The following ATP7A variants were observed in gnomAD, a reference collection of about 807,000 sequenced individuals.
The protein encoded by ATP7A is ATPase copper transporting alpha, also known as copper-transporting ATPase 1.
ATP7A carries 7 observed loss-of-function variants against 83.5 expected under a neutral mutation model. The ratio of observed to expected loss-of-function variants is 0.08; its 90% CI spans 0.05 to 0.16. The LOEUF (loss-of-function observed/expected upper bound fraction) is 0.16, where lower values mean the gene tolerates loss of function less well. Among genes scored for constraint, ATP7A ranks in the 10% least tolerant of loss-of-function variants. The pLI, the probability that ATP7A is intolerant of heterozygous loss-of-function variation, is 1.00. For synonymous variants in ATP7A, 354 were observed against 395.2 expected (o/e 0.90, Z 1.24); for missense variants, 940 against 1,120.8 (o/e 0.84, Z 2.30).
chrX:77,977,228 C>T (rs1483796375), intron 2 of ATP7A, among the ~76,000 whole-genome samples: 1 of 111,969 alleles, frequency 8.9e-6, no homozygotes, highest in African/African-American at 3.2e-5. Flanking sequence ...AAGTATGACA[C>T]ATGAATTTGA....
At chrX:77,933,285 A>C (rs1325786757) in intron 1 of ATP7A, among the ~76,000 whole-genome samples, 1 of 111,670 alleles carries the variant, frequency 9.0e-6, no homozygotes, top group Non-Finnish European at 1.9e-5. Context: ...AAATCCAGAC[A>C]GTCTTGCTCT....
At position 77,941,402 on chromosome X, in the gene ATP7A, A is replaced by T. The variant is rs1030685357; in HGVS notation, c.-21-30219A>T. On this transcript the variant is annotated intron_variant, in intron 1 of 22. Coordinates refer to ENST00000341514, the MANE Select transcript of ATP7A (RefSeq NM_000052.7). ...TTGTGGAGGTCTATATGTCCTTAAAATTTTTTTTTCTTTTTAATAATTAGA... is the reference window on the plus strand; with the variant it reads ...TTGTGGAGGTCTATATGTCCTTAAATTTTTTTTTTCTTTTTAATAATTAGA... Among the ~76,000 whole-genome samples, 6 of 110,238 alleles carry T rather than the reference A, an allele frequency of 5.4e-5. No homozygotes were observed. In the East Asian group the frequency reaches 8.5e-4, roughly 16 times the overall value.
At chrX:77,956,701 T>C (rs782525194) in intron 1 of ATP7A, among the ~76,000 whole-genome samples, 39 of 109,024 alleles carry the variant, frequency 3.6e-4, no homozygotes, top group African/African-American at 1.2e-3. Flanking sequence ...AATTAAACCT[T>C]TTTTCTTTAT....
In ATP7A at chrX:77,949,448, A is replaced by C. The variant is rs782738895; in HGVS notation, c.-21-22173A>C. ...AGTAACTTTGCTACTCACCTTATTG[A>C]ACATTCCTAATGCATTCAACTTTGT... is the stretch of plus-strand genomic sequence containing the variant. On this transcript the variant is annotated intron_variant, in intron 1 of 22. Transcript: ENST00000341514. Among the ~76,000 whole-genome samples, 11 of 112,252 alleles carry C rather than the reference A, an allele frequency of 9.8e-5. No homozygotes were observed. The South Asian group carries it at 4.0e-3, about 41-fold the overall frequency.
chrX:77,921,985 G>T (rs1229646686), intron 1 of ATP7A, among the ~76,000 whole-genome samples: 4 of 110,346 alleles, frequency 3.6e-5, no homozygotes. Flanking sequence ...CGTAGAGATG[G>T]GGTCTCGCTA....
intron 7 of ATP7A, among the ~76,000 whole-genome samples, chrX:78,010,711 C>G (rs2077815459): frequency 9.4e-6 from 1 of 106,450 alleles, no homozygotes; most frequent in Non-Finnish European, 1.9e-5. Context: ...TCCCGAGCAG[C>G]TGGGATTACA....
chrX:77,918,392 T>A (rs1227497005), intron 1 of ATP7A, among the ~76,000 whole-genome samples: 6 of 110,977 alleles, frequency 5.4e-5, no homozygotes, highest in Admixed American at 1.9e-4. Flanking sequence ...CAGGTGCTTT[T>A]AAGAAATTTT....
chrX:77,940,269 C>G, intron 1 of ATP7A, among the ~76,000 whole-genome samples: 1 of 110,679 alleles, frequency 9.0e-6, no homozygotes, highest in Non-Finnish European at 1.9e-5. Context: ...CATCCCCCCT[C>G]CAAAAGTACT....
chrX:77,992,976 A>G (rs946692416), intron 4 of ATP7A, among the ~76,000 whole-genome samples: 7 of 112,484 alleles, frequency 6.2e-5, no homozygotes, highest in Admixed American at 2.8e-4. Flanking sequence ...TTCACATTTC[A>G]CTACTTCATA....
At chrX:78,039,819 T>G (rs1237781887) in intron 18 of ATP7A, among the ~76,000 whole-genome samples, 4 of 112,322 alleles carry the variant, frequency 3.6e-5, no homozygotes, top group Admixed American at 1.9e-4. Context: ...TTATTTTACT[T>G]AATGCTTTCT....
intron 1 of ATP7A, among the ~76,000 whole-genome samples, chrX:77,921,438 C>T (rs2077214387): frequency 8.9e-6 from 1 of 112,176 alleles, no homozygotes; most frequent in South Asian, 3.6e-4. Context: ...TGGTTAAAAG[C>T]ACAGGCTCTG....
chrX:78,005,556 G>A (rs781917911), intron 6 of ATP7A, among the ~76,000 whole-genome samples: 266 of 107,604 alleles, frequency 2.5e-3, no homozygotes, highest in Middle Eastern at 4.6e-3. Context: ...GGTGGCACGC[G>A]CCTGTAATCC....
At chrX:78,027,903 G>C (rs1248556360) in intron 14 of ATP7A, among the ~76,000 whole-genome samples, 1 of 111,309 alleles carries the variant, frequency 9.0e-6, no homozygotes, top group Non-Finnish European at 1.9e-5. Context: ...ACTGTGTCCA[G>C]CCCACTACTG....
At chrX:78,001,066 T>C (rs1206390767) in intron 5 of ATP7A, among the ~76,000 whole-genome samples, 3 of 112,144 alleles carry the variant, frequency 2.7e-5, no homozygotes, top group African/African-American at 9.7e-5. Flanking sequence ...ACTTATGTTT[T>C]TGACATTTGA....
In ATP7A at chrX:78,043,338, G is replaced by A; in HGVS notation, c.4027G>A (p.Ala1343Thr). 8.3e-7 allele frequency: 1 copy of A among 1,201,306 alleles called. No individual in the cohort carries two copies. Among genetic ancestry groups the A allele is most frequent in the Non-Finnish European group, 1.1e-6 (1 of 886,293 alleles). Residue 1343 changes from alanine (A) to threonine (T), a missense_variant, in exon 21 of 23, where the codon GCA (alanine) becomes ACA (threonine). By Grantham distance (58) the Ala-to-Thr change is moderately conservative. Transcript: ENST00000341514. ...TTAGAATGATCTTCTGGATGTAGTG[G>A]CAAGTATTGACTTATCAAGAAAGAC... ...LIRNDLLDVV[A>T]SIDLSRKTVK...
chrX:77,974,248 A>G (rs1052875345), intron 2 of ATP7A, among the ~76,000 whole-genome samples: 1 of 110,151 alleles, frequency 9.1e-6, no homozygotes, highest in African/African-American at 3.3e-5. Context: ...GGTTCAAGCA[A>G]TTCTCATGCC....
chrX:78,004,214 A>C (rs1030866817), intron 6 of ATP7A, among the ~76,000 whole-genome samples: 1 of 110,433 alleles, frequency 9.1e-6, no homozygotes, highest in Non-Finnish European at 1.9e-5. Flanking sequence ...TAAAAAATGC[A>C]AAACTACATG....
At chrX:78,039,791 A>G (rs1262942992) in intron 18 of ATP7A, among the ~76,000 whole-genome samples, 2 of 112,382 alleles carry the variant, frequency 1.8e-5, no homozygotes, top group African/African-American at 6.5e-5. Context: ...ACTTGTACAC[A>G]TACTATTTTA....
At chrX:78,000,954 C>A (rs1557233073) in intron 5 of ATP7A, among the ~76,000 whole-genome samples, 1 of 111,759 alleles carries the variant, frequency 8.9e-6, no homozygotes, top group African/African-American at 3.2e-5. Context: ...CATGGGCCAC[C>A]ACACCTGGCC....
Sources: allele counts gnomAD v4.1 joint callset (sites outside exome capture counted in the v4.1 genomes callset), GRCh38; gene constraint gnomAD v4.1.1; transcripts MANE v1.5; gene names NCBI Gene and HGNC (gene_info 2026-07-23, HGNC 2026-07-21).